HERPUD2: variants seen among roughly 807,000 people sequenced by gnomAD.
HERPUD2 encodes the protein HERPUD family member 2.
A neutral mutation model predicts 49.9 loss-of-function variants in HERPUD2; 13 were observed. The ratio of observed to expected loss-of-function variants is 0.26; its 90% CI spans 0.17 to 0.41. The LOEUF is 0.41. Among genes scored for constraint, HERPUD2 ranks in the 10% least tolerant of loss-of-function variants. The pLI is 1.00. For missense variants in HERPUD2, 449 were observed against 492.2 expected (o/e 0.91, Z 0.83); for synonymous variants, 172 against 171.4 (o/e 1.00, Z -0.03).
chr7:35,654,118 T>A (rs1785225538), intron 5 of HERPUD2, among the ~76,000 whole-genome samples: 1 of 151,654 alleles, frequency 6.6e-6, no homozygotes. Flanking sequence ...ATCAAAAAAG[T>A]AGGAAGATTT....
chr7:35,681,469 G>A (rs1785889986), intron 2 of HERPUD2, among the ~76,000 whole-genome samples: 1 of 152,010 alleles, frequency 6.6e-6, no homozygotes, highest in Non-Finnish European at 1.5e-5. Context: ...TCCATTGCTA[G>A]GTACATACCA....
chr7:35,673,926 C>T (rs1416618323), intron 2 of HERPUD2, among the ~76,000 whole-genome samples: 1 of 152,042 alleles, frequency 6.6e-6, no homozygotes, highest in African/African-American at 2.4e-5. Flanking sequence ...GAGTCAGTTG[C>T]CATCTCTATA....
chr7:35,637,411 G>A (rs1447970420), intron 6 of HERPUD2, among the ~76,000 whole-genome samples: 1 of 152,148 alleles, frequency 6.6e-6, no homozygotes, highest in African/African-American at 2.4e-5. Context: ...AGCTGTTTAT[G>A]GTTAAGAGCT....
At chr7:35,656,343 G>C (rs1359673879) in intron 5 of HERPUD2, among the ~76,000 whole-genome samples, 3 of 151,762 alleles carry the variant, frequency 2.0e-5, no homozygotes, top group Non-Finnish European at 1.5e-5. Flanking sequence ...TAAACAACTG[G>C]AAAGACACCC....
chr7:35,635,562 T>C (rs1047725820), intron 6 of HERPUD2, 104 bp from the exon 7 acceptor site: 7 of 921,110 alleles, frequency 7.6e-6, no homozygotes, highest in African/African-American at 1.7e-5. Flanking sequence ...ATAAACCTAA[T>C]ATGGAATATC....
chr7:35,638,630 A>G (rs1177326222), intron 5 of HERPUD2, among the ~76,000 whole-genome samples, 158 bp from the exon 6 acceptor site: 1 of 152,226 alleles, frequency 6.6e-6, no homozygotes, highest in African/African-American at 2.4e-5. Flanking sequence ...AAATAAGACA[A>G]TATGTCTTAC....
At chr7:35,638,310 C>T (rs1488071390) in intron 6 of HERPUD2, 40 bp downstream of exon 6, 2 of 1,526,974 alleles carry the variant, frequency 1.3e-6, no homozygotes, top group South Asian at 1.3e-5. Flanking sequence ...AAGCAAATAA[C>T]ACACTGAGTA....
intron 3 of HERPUD2, among the ~76,000 whole-genome samples, chr7:35,672,113 A>G (rs1482330466): frequency 1.3e-5 from 2 of 152,014 alleles, no homozygotes; most frequent in South Asian, 4.1e-4. Context: ...ATGTATGTCA[A>G]TGTAAGCTCA....
At position 35,635,376 on chromosome 7, in the gene HERPUD2, C is replaced by T; in HGVS notation, c.700G>A (p.Val234Ile). 6.2e-7 allele frequency: 1 copy of T among 1,614,068 alleles called. No individual in the cohort carries two copies. Among genetic ancestry groups the T allele is most frequent in the Non-Finnish European group, 8.5e-7 (1 of 1,179,996 alleles). ...GCTGGTGGGGGTTCTTCTCCAGGAA[C>T]ATGTGCCAAATTTAGAGGCTGTGAA... ...TTSQPLNLAHVPGEEPPPAPN... is the reference protein window; with the variant it reads ...TTSQPLNLAHIPGEEPPPAPN... The change falls in exon 7 of 9, where the codon GTT becomes ATT. Residue 234 changes from valine to isoleucine, a missense_variant. Val to Ile is a conservative substitution (Grantham distance 29). Coordinates refer to ENST00000311350, the MANE Select transcript of HERPUD2 (RefSeq NM_022373.5).
intron 2 of HERPUD2, among the ~76,000 whole-genome samples, chr7:35,674,424 G>T (rs866423370): frequency 0.049 from 4,076 of 83,856 alleles, 282 homozygotes; most frequent in Admixed American, 0.06. Flanking sequence ...GAGAGAGAGA[G>T]AGAGAGAGAG....
chr7:35,659,125 CTG>C (rs1371804793), intron 5 of HERPUD2, among the ~76,000 whole-genome samples: 3 of 152,198 alleles, frequency 2.0e-5, no homozygotes, highest in Non-Finnish European at 4.4e-5. Context: ...AAGAGCAGAG[CTG>C]TTTTATTTTG....
At position 35,686,740 on chromosome 7, in the gene HERPUD2, A is replaced by C. The variant is rs1300541552; in HGVS notation, c.147+7444T>G. Among the ~76,000 whole-genome samples the C allele has an allele frequency of 7.5e-4, 81 of 108,702 alleles. 5 individuals carry two copies. The highest frequency in any genetic ancestry group is 3.1e-3 in the African/African-American group (78 of 24,848). 71.3% of individuals were successfully genotyped at this position (108,702 alleles called of 152,430 possible). A position where few individuals can be genotyped will look rare whatever the true frequency, so the allele number is the denominator to read the frequency against. On this transcript the variant is annotated intron_variant, in intron 2 of 8. Transcript: ENST00000311350. The stretch of plus-strand genomic sequence containing the variant: ...TCTCAAAAAAAAAAAAAAAAAAAAA[A>C]AAAAACCAAACCCATTTCCAGGCCA...
chr7:35,662,173 T>A (rs1440906176), intron 5 of HERPUD2, among the ~76,000 whole-genome samples: 2 of 152,210 alleles, frequency 1.3e-5, no homozygotes, highest in Non-Finnish European at 2.9e-5. Flanking sequence ...GGATGGATTA[T>A]GTTTATGGAT....
At chr7:35,659,640 A>T (rs946195170) in intron 5 of HERPUD2, among the ~76,000 whole-genome samples, 7 of 152,172 alleles carry the variant, frequency 4.6e-5, no homozygotes, top group African/African-American at 1.7e-4. Context: ...CTAGTCACAA[A>T]ATTCAAACCC....
chr7:35,686,965 C>G (rs1326889848), intron 2 of HERPUD2, among the ~76,000 whole-genome samples: 2 of 151,256 alleles, frequency 1.3e-5, no homozygotes, highest in African/African-American at 4.9e-5. Flanking sequence ...GAGGCTGAGG[C>G]AGGACAATCA....
intron 3 of HERPUD2, 83 bp downstream of exon 3, chr7:35,673,118 G>C (rs1341912486): frequency 8.9e-6 from 9 of 1,007,310 alleles, no homozygotes; most frequent in African/African-American, 1.6e-5. Context: ...TCTAAAAACT[G>C]AACTGGTTGA....
chr7:35,673,404 C>G (rs1785685619), intron 2 of HERPUD2, 126 bp from the exon 3 acceptor site: 1 of 653,774 alleles, frequency 1.5e-6, no homozygotes, highest in East Asian at 2.8e-5. Context: ...AAAACTGACA[C>G]AATTTAAGAA....
chr7:35,682,326 CGTGTGTGTGTGT>C (rs1173380172), intron 2 of HERPUD2, among the ~76,000 whole-genome samples: 1 of 16,316 alleles, frequency 6.1e-5, no homozygotes, highest in Admixed American at 5.7e-4. Flanking sequence ...CACATACACA[CGTGTGTGTGTGT>C]GTGTGTGTGT....
chr7:35,652,657 G>A (rs1785190984), intron 5 of HERPUD2, among the ~76,000 whole-genome samples: 1 of 150,890 alleles, frequency 6.6e-6, no homozygotes, highest in African/African-American at 2.4e-5. Flanking sequence ...GGAAGGAGAG[G>A]GTGGGAGAAA....
Sources: allele counts gnomAD v4.1 joint callset (sites outside exome capture counted in the v4.1 genomes callset), GRCh38; gene constraint gnomAD v4.1.1; transcripts MANE v1.5; gene names NCBI Gene and HGNC (gene_info 2026-07-23, HGNC 2026-07-21).